Variants in PDGFB observed in about 807,000 individuals in gnomAD.
The protein encoded by PDGFB is platelet derived growth factor subunit B, also known as platelet-derived growth factor subunit B.
Under a neutral mutation model 29.0 loss-of-function variants are expected in PDGFB, and 6 were observed. The ratio of observed to expected loss-of-function variants is 0.21; its 90% confidence interval spans 0.11 to 0.41. The LOEUF is 0.41. Ranked by LOEUF, PDGFB falls within the 10% of genes least tolerant of loss-of-function variation. The pLI, the probability that PDGFB is intolerant of heterozygous loss-of-function variation, is 1.00. For missense variants in PDGFB, 299 were observed against 341.8 expected (o/e 0.87, Z 0.99); for synonymous variants, 144 against 140.8 (o/e 1.02, Z -0.16).
chr22:39,237,128 G>T (rs1932464151), intron 1 of PDGFB, among the ~76,000 whole-genome samples: 1 of 152,108 alleles, frequency 6.6e-6, no homozygotes. Context: ...CGGAGGGGGA[G>T]CGAGGGAGAG....
chr22:39,243,884 C>A lies in PDGFB; in HGVS notation c.63+17G>T. The A allele has an allele frequency of 1.3e-6, 2 of 1,592,688 alleles. No individual in the cohort carries two copies. Among genetic ancestry groups the A allele is most frequent in the South Asian group, 1.1e-5 (1 of 88,520 alleles). Reference sequence around the variant, plus strand: ...GTAATGAATGAAGAACCAGCCCCAGCCGCCGTGGCAACTCACCTCGGCGCT... The same window carrying A: ...GTAATGAATGAAGAACCAGCCCCAGACGCCGTGGCAACTCACCTCGGCGCT... On this transcript the variant is annotated intron_variant, in intron 1 of 6. Coordinates refer to ENST00000331163, the MANE Select transcript of PDGFB (RefSeq NM_002608.4). The surrounding 1 kb of genome is among the most constrained non-coding windows in gnomAD (Gnocchi z 6.4).
intron 1 of PDGFB, chr22:39,241,216 G>A (rs918492853): frequency 1.5e-4 from 70 of 463,406 alleles, no homozygotes; most frequent in Middle Eastern, 5.9e-4. Flanking sequence ...CAGAGGCCTC[G>A]GCAGGCCCTC....
At chr22:39,228,166 TACTC>T (rs10545107) in intron 5 of PDGFB, among the ~76,000 whole-genome samples, 57,462 of 152,014 alleles carry the variant, frequency 0.38, 11,894 homozygotes, top group East Asian at 0.7. Context: ...AACACCGTCA[TACTC>T]AACCAAAATA....
chr22:39,239,893 T>C (rs1281672298), intron 1 of PDGFB, among the ~76,000 whole-genome samples: 1 of 152,102 alleles, frequency 6.6e-6, no homozygotes, highest in Non-Finnish European at 1.5e-5. Context: ...CCGCCTGCCA[T>C]TCCCACCAAG....
At position 39,243,276 on chromosome 22, in the gene PDGFB, C is replaced by CTT. The variant is rs1310549212; in HGVS notation, c.63+624_63+625insAA. ...CGTCTCTCTCTCTCTCTCTCTCTTT[C>CTT]TCTCTCTCTCTCTCTCTCTCCCTGT... is the stretch of plus-strand genomic sequence containing the variant. On this transcript the variant is annotated intron_variant, in intron 1 of 6. Transcript: ENST00000331163. The surrounding 1 kb of genome is among the most constrained non-coding windows in gnomAD (Gnocchi z 6.4). 4.7e-4 allele frequency among the ~76,000 whole-genome samples: 64 copies of CTT among 137,542 alleles called. 1 individual carries two copies. Among genetic ancestry groups the CTT allele is most frequent in the African/African-American group, 1.8e-3 (63 of 34,972 alleles). 90.2% of individuals were successfully genotyped at this position (137,542 alleles called of 152,430 possible).
rs115250063 is a variant in PDGFB, at chr22:39,229,417, T to C, written c.601+667A>G. Reference sequence around the variant, plus strand: ...AATTCCACCTTGCACCCCTGACTGATCACCAGCTAGCTGTTCTGCATATGG... The same window carrying C: ...AATTCCACCTTGCACCCCTGACTGACCACCAGCTAGCTGTTCTGCATATGG... On this transcript the variant is annotated intron_variant, in intron 5 of 6. Coordinates refer to ENST00000331163, the MANE Select transcript of PDGFB (RefSeq NM_002608.4). Among the ~76,000 whole-genome samples the C allele has an allele frequency of 2.1e-3, 321 of 152,310 alleles. 1 individual carries two copies. The highest frequency in any genetic ancestry group is 7.4e-3 in the African/African-American group (307 of 41,564).
rs9611112 is a variant in PDGFB at position 39,223,997 on chromosome 22, G to A, written c.*1345C>T. On this transcript the variant is annotated 3_prime_UTR_variant, in exon 7 of 7. Transcript: ENST00000331163. ...GGATCAAAGATGGGGAAGTGTGCAA[G>A]CAGGGAGGGGTGCGGGCAAGAGGGC... 3,141 of 152,392 alleles carry A rather than the reference G, an allele frequency of 0.021. 69 individuals are homozygous for A. The highest frequency in any genetic ancestry group is 0.048 in the Middle Eastern group (14 of 294). The allele number at this position is 152,392 out of a possible 1,614,324, so 9.4% of individuals were successfully genotyped here. A position where few individuals can be genotyped will look rare whatever the true frequency, so the allele number is the denominator to read the frequency against.
At position 39,230,100 on chromosome 22, in the gene PDGFB, A is replaced by AC. The variant is rs1303947644; in HGVS notation, c.584dup (p.Ser196PhefsTer36). ...GGTGGTTACCTCGCTGCTCCTGGGA[A>AC]CCCCCCGGGCTTCGGGTCACAGGCC... On this transcript the variant is annotated frameshift_variant, in exon 5 of 7. Coordinates refer to ENST00000331163, the MANE Select transcript of PDGFB (RefSeq NM_002608.4). LOFTEE classifies it high-confidence loss of function. The AC allele has an allele frequency of 1.2e-6, 2 of 1,613,288 alleles. No individual in the cohort carries two copies. Among genetic ancestry groups the AC allele is most frequent in the Non-Finnish European group, 1.7e-6 (2 of 1,179,864 alleles).
At chr22:39,230,338 T>TCGAAAGCC in intron 4 of PDGFB, 110 bp from the exon 5 acceptor site, 1 of 1,122,112 alleles carries the variant, frequency 8.9e-7, no homozygotes, top group Non-Finnish European at 1.3e-6. Flanking sequence ...CAATCTTTCC[T>TCGAAAGCC]CGAAAGCCCG....
intron 2 of PDGFB, among the ~76,000 whole-genome samples, chr22:39,234,797 C>T (rs1932399936): frequency 6.6e-6 from 1 of 152,226 alleles, no homozygotes; most frequent in Non-Finnish European, 1.5e-5. Flanking sequence ...CTCCAAGATC[C>T]CGACCCCCAC....
chr22:39,235,076 C>T (rs1330268763), intron 2 of PDGFB, among the ~76,000 whole-genome samples: 1 of 152,102 alleles, frequency 6.6e-6, no homozygotes. Flanking sequence ...AGGGGCCCAA[C>T]GGGGAGAGGA....
chr22:39,242,985 GCTCCGAC>G lies in PDGFB; in HGVS notation c.63+909_63+915del, dbSNP rs1932604319. 8.6e-6 allele frequency: 2 copies of G among 233,050 alleles called. No individual in the cohort carries two copies. The highest frequency in any genetic ancestry group is 1.7e-5 in the Non-Finnish European group (2 of 117,984). 14.4% of individuals were successfully genotyped at this position (233,050 alleles called of 1,614,324 possible). ...CGTGAGGCTGGGAGGGGTGGGGACG[GCTCCGAC>G]CCCAGCGCTCCCTCAGATGTTTTTA... On this transcript the variant is annotated intron_variant, in intron 1 of 6. Coordinates refer to ENST00000331163, the MANE Select transcript of PDGFB (RefSeq NM_002608.4). The surrounding 1 kb of genome is among the most constrained non-coding windows in gnomAD (Gnocchi z 5.7).
At position 39,240,410 on chromosome 22, in the gene PDGFB, C is replaced by G. The variant is rs1057218735; in HGVS notation, c.63+3491G>C. ...TAAAGATACACAGAACCTTTGCAGT[C>G]TGATTTTCTTTCTGTTTCTTCTCCT... On this transcript the variant is annotated intron_variant, in intron 1 of 6. Transcript: ENST00000331163. Among the ~76,000 whole-genome samples the G allele has an allele frequency of 4.6e-5, 7 of 152,034 alleles. No homozygotes were observed. In the East Asian group the frequency reaches 9.6e-4, roughly 21 times the overall value.
intron 6 of PDGFB, 134 bp from the exon 7 acceptor site, chr22:39,225,447 TG>T: frequency 2.9e-6 from 1 of 348,456 alleles, no homozygotes; most frequent in East Asian, 5.0e-5. Context: ...TGCTCAGGGC[TG>T]GGGGCATTGA....
intron 1 of PDGFB, chr22:39,240,968 C>T (rs1248388236): frequency 7.4e-7 from 1 of 1,352,858 alleles, no homozygotes; most frequent in Non-Finnish European, 1.1e-6. Flanking sequence ...CTTCCTGGCT[C>T]TTGCACCAGA....
chr22:39,238,063 T>C (rs986514458), intron 1 of PDGFB, among the ~76,000 whole-genome samples: 2 of 152,182 alleles, frequency 1.3e-5, no homozygotes, highest in Non-Finnish European at 2.9e-5. Flanking sequence ...GAGAGCCGGC[T>C]GCAGCTGCCA....
In PDGFB at chr22:39,224,289, C is replaced by T. The variant is rs1360257484; in HGVS notation, c.*1053G>A. 6.6e-6 allele frequency: 1 copy of T among 152,190 alleles called. No homozygotes were observed. The highest frequency in any genetic ancestry group is 1.9e-4 in the East Asian group (1 of 5,202). The allele number at this position is 152,190 out of a possible 1,614,324, so 9.4% of individuals were successfully genotyped here. A position where few individuals can be genotyped will look rare whatever the true frequency, so the allele number is the denominator to read the frequency against. On this transcript the variant is annotated 3_prime_UTR_variant, in exon 7 of 7. Transcript: ENST00000331163. Reference sequence around the variant, plus strand: ...GCCAGAAATTGTCATAATAAATATACAAATCAGCTTTATCTATGATGTGAA... The same window carrying T: ...GCCAGAAATTGTCATAATAAATATATAAATCAGCTTTATCTATGATGTGAA...
rs1191817118 is a variant in PDGFB at position 39,224,237 on chromosome 22, G to A, written c.*1105C>T. ...GGAGTCTTTGTGTGAATTAGGAAAA[G>A]GATCCTTTTCCTCTTTACCTACATC... On this transcript the variant is annotated 3_prime_UTR_variant, in exon 7 of 7. Coordinates refer to ENST00000331163, the MANE Select transcript of PDGFB (RefSeq NM_002608.4). 6.6e-6 allele frequency: 1 copy of A among 152,170 alleles called. No individual in the cohort carries two copies. The highest frequency in any genetic ancestry group is 2.4e-5 in the African/African-American group (1 of 41,408). 9.4% of individuals were successfully genotyped at this position (152,170 alleles called of 1,614,324 possible).
Position 39,235,786 on chromosome 22 carries a change from T to C in PDGFB, c.152A>G (p.Asp51Gly). 1.2e-6 allele frequency: 2 copies of C among 1,612,620 alleles called. No individual in the cohort carries two copies. Among genetic ancestry groups the C allele is most frequent in the South Asian group, 2.2e-5 (2 of 91,030 alleles). ...GCGAGGATTCCATTTACCTCCGGGG[T>C]CTCCGTGCAGCAGGCGTTGGAGATC... ...FDDLQRLLHG[D>G]PGEEDGAELD... Residue 51 changes from aspartate to glycine, a missense_variant, in exon 2 of 7, where the codon GAC becomes GGC. Physicochemically the swap from Asp to Gly is moderately conservative, Grantham distance 94 (BLOSUM62 -1). Transcript: ENST00000331163.
Sources: gnomAD v4.1 joint callset for allele counts (sites outside exome capture counted in the v4.1 genomes callset) on GRCh38, gnomAD v4.1.1 for gene constraint, Gnocchi (gnomAD v3.1) non-coding constraint, MANE v1.5 for transcripts, NCBI Gene and HGNC (gene_info 2026-07-23, HGNC 2026-07-21) for gene names.